Variants in CPAMD8 observed in about 807,000 individuals in gnomAD.
The protein encoded by CPAMD8 is C3 and PZP like alpha-2-macroglobulin domain containing 8.
CPAMD8 carries 146 observed loss-of-function variants against 224.7 expected under a neutral mutation model. The ratio of observed to expected loss-of-function variants is 0.65; its 90% CI spans 0.57 to 0.75. The LOEUF is 0.75. CPAMD8 is among the 30% of genes least tolerant of loss of function. The pLI is 0.00. For synonymous variants in CPAMD8, 966 were observed against 1,044.6 expected, an observed-to-expected ratio of 0.92 and a Z score of 1.45; for missense variants, 2,301 against 2,537.5, an observed-to-expected ratio of 0.91 and a Z score of 2.00.
chr19:17,016,734 T>C (rs1037754585), intron 3 of CPAMD8, among the ~76,000 whole-genome samples: 3 of 151,868 alleles, frequency 2.0e-5, no homozygotes, highest in Non-Finnish European at 4.4e-5. Flanking sequence ...CACTCCACCC[T>C]GGGCGACAGA....
At chr19:17,000,609 T>C in intron 9 of CPAMD8, 87 bp from the exon 10 acceptor site, 1 of 686,390 alleles carries the variant, frequency 1.5e-6, no homozygotes. Context: ...TGACATAGTG[T>C]GGCCACTAGT....
intron 41 of CPAMD8, chr19:16,894,502 C>T: frequency 2.2e-6 from 1 of 456,042 alleles, no homozygotes; most frequent in Non-Finnish European, 4.4e-6. Context: ...CCCCACACCC[C>T]TTTCCTGAAC....
At chr19:16,979,894 C>T (rs2055445382) in intron 14 of CPAMD8, among the ~76,000 whole-genome samples, 1 of 151,998 alleles carries the variant, frequency 6.6e-6, no homozygotes, top group Non-Finnish European at 1.5e-5. Flanking sequence ...TGACTCTGCC[C>T]CCTGGGGATA....
rs762819151 is a variant in CPAMD8, at chr19:16,904,352, G to C, written c.4125C>G (p.Ala1375=). 1.2e-6 allele frequency: 2 copies of C among 1,613,952 alleles called. No individual in the cohort carries two copies. Among genetic ancestry groups the C allele is most frequent in the Admixed American group, 1.7e-5 (1 of 60,020 alleles). The change falls in exon 32 of 42, where the codon GCC becomes GCG. Residue 1375 remains alanine (A), a synonymous_variant. Transcript: ENST00000443236. ...SDRVSQSVVS[A]EVEMTAYALL... ...GGGCGTAGGCTGTCATTTCCACCTC[G>C]GCCGAGACCACTGCAATGGAAGAGG...
chr19:16,997,418 G>T (rs2056167445), intron 10 of CPAMD8, 80 bp from the exon 11 acceptor site: 2 of 822,722 alleles, frequency 2.4e-6, no homozygotes, highest in Non-Finnish European at 4.1e-6. Context: ...ACACACCTGA[G>T]GTGCAAGACT....
intron 10 of CPAMD8, among the ~76,000 whole-genome samples, chr19:16,998,265 G>A (rs868752590): frequency 6.6e-6 from 1 of 152,182 alleles, no homozygotes; most frequent in Non-Finnish European, 1.5e-5. Context: ...TTCAAGACCA[G>A]CCTGGCCAAC....
intron 19 of CPAMD8, among the ~76,000 whole-genome samples, chr19:16,952,483 C>T (rs1012014034): frequency 6.6e-6 from 1 of 152,120 alleles, no homozygotes; most frequent in African/African-American, 2.4e-5. Flanking sequence ...TCCGGACCAC[C>T]CTAGGCAAGA....
intron 12 of CPAMD8, among the ~76,000 whole-genome samples, chr19:16,991,091 G>A (rs564089681): frequency 2.3e-5 from 3 of 131,466 alleles, no homozygotes; most frequent in Non-Finnish European, 3.5e-5. Flanking sequence ...TCATGCAGAC[G>A]AAATGAGGCC....
rs1319314299 is a variant in CPAMD8, at chr19:16,902,768, G to A, written c.4566C>T (p.Pro1522=). The A allele has an allele frequency of 6.3e-7, 1 of 1,592,888 alleles. No homozygotes were observed. Among genetic ancestry groups the A allele is most frequent in the Non-Finnish European group, 8.6e-7 (1 of 1,166,086 alleles). ...CCTCAGCTGCGGAGGCAGGCATGGGGGGCGGGCGTCCCTGGGCCTCAGGCT... is the reference window on the plus strand; with the variant it reads ...CCTCAGCTGCGGAGGCAGGCATGGGAGGCGGGCGTCCCTGGGCCTCAGGCT... ...LQEPEAQGRP[P]PMPASAAEGS... The change falls in exon 35 of 42, where the codon CCC becomes CCT. Residue 1522 remains proline (P), a synonymous_variant. Coordinates refer to ENST00000443236, the MANE Select transcript of CPAMD8 (RefSeq NM_015692.5).
chr19:16,940,016 G>A (rs2053834292), intron 22 of CPAMD8, among the ~76,000 whole-genome samples: 1 of 151,888 alleles, frequency 6.6e-6, no homozygotes, highest in African/African-American at 2.4e-5. Context: ...GAGTTCAAAT[G>A]ATCTTCCTGC....
intron 34 of CPAMD8, among the ~76,000 whole-genome samples, 185 bp from the exon 35 acceptor site, chr19:16,903,048 A>G (rs978456883): frequency 6.6e-6 from 1 of 152,158 alleles, no homozygotes; most frequent in African/African-American, 2.4e-5. Context: ...GGGTGTAGGT[A>G]CAATCATCAG....
intron 1 of CPAMD8, among the ~76,000 whole-genome samples, chr19:17,024,763 A>C (rs1382206916): frequency 6.6e-6 from 1 of 152,182 alleles, no homozygotes; most frequent in Non-Finnish European, 1.5e-5. Flanking sequence ...ACTGCTTCTC[A>C]TCCTGCTGGT....
At position 16,928,864 on chromosome 19, in the gene CPAMD8, C is replaced by T. The variant is rs975559255; in HGVS notation, c.3144+78G>A. 1.2e-5 allele frequency: 15 copies of T among 1,227,460 alleles called. No individual in the cohort carries two copies. The Admixed American group carries it at 2.2e-4, about 18-fold the overall frequency. The allele number at this position is 1,227,460 out of a possible 1,614,324, so 76.0% of individuals were successfully genotyped here. On this transcript the variant is annotated intron_variant, in intron 24 of 41. Coordinates refer to ENST00000443236, the MANE Select transcript of CPAMD8 (RefSeq NM_015692.5). The stretch of plus-strand genomic sequence containing the variant: ...GCTCCTCCTGACCCTGGATCAAAGC[C>T]TGGCACCAAACAGGAAGCAGCTAGT...
At chr19:16,943,426 C>CA (rs2053971655) in intron 22 of CPAMD8, among the ~76,000 whole-genome samples, 2 of 151,724 alleles carry the variant, frequency 1.3e-5, no homozygotes, top group Admixed American at 1.3e-4. Context: ...TTCATTTAGA[C>CA]AGGGTCTGGC....
chr19:16,921,544 G>A (rs867751365), intron 27 of CPAMD8, among the ~76,000 whole-genome samples: 69 of 152,206 alleles, frequency 4.5e-4, no homozygotes, highest in Middle Eastern at 6.8e-3. Flanking sequence ...TCTGGCCTCT[G>A]ACCCCTCTGC....
chr19:16,997,228 G>A lies in CPAMD8; in HGVS notation c.978C>T (p.Asp326=), dbSNP rs57930046. 5.1e-4 allele frequency: 796 copies of A among 1,555,168 alleles called. 5 individuals are homozygous for A. In the East Asian group the frequency reaches 7.6e-3, roughly 15 times the overall value. ...VSIWAMVTSV[D]GSQQVAFDDS... ...CATCGAACGCGACCTGCTGGCTCCC[G>A]TCCACACTGGTCACCATGGCCCAGA... The change falls in exon 11 of 42, where the codon GAC becomes GAT. Residue 326 remains aspartate, a synonymous_variant. Coordinates refer to ENST00000443236, the MANE Select transcript of CPAMD8 (RefSeq NM_015692.5).
At chr19:17,019,960 T>TC (rs895349458) in intron 3 of CPAMD8, among the ~76,000 whole-genome samples, 25 of 150,894 alleles carry the variant, frequency 1.7e-4, no homozygotes, top group African/African-American at 5.4e-4. Context: ...ATTCTTTTTT[T>TC]TTTTTCTTTT....
intron 17 of CPAMD8, among the ~76,000 whole-genome samples, chr19:16,973,743 G>T (rs1346595868): frequency 3.3e-5 from 5 of 152,048 alleles, no homozygotes; most frequent in African/African-American, 1.2e-4. Flanking sequence ...ACCCTGAAGG[G>T]CGAAGCATGC....
At chr19:16,932,364 T>TGAGCCATGA (rs1382751815) in intron 23 of CPAMD8, among the ~76,000 whole-genome samples, 29 of 152,146 alleles carry the variant, frequency 1.9e-4, no homozygotes, top group African/African-American at 7.0e-4. Context: ...AAGGCTGCAG[T>TGAGCCATGA]GAGCCATGAT....
Sources: allele counts gnomAD v4.1 joint callset (sites outside exome capture counted in the v4.1 genomes callset), GRCh38; gene constraint gnomAD v4.1.1; transcripts MANE v1.5; gene names NCBI Gene and HGNC (gene_info 2026-07-23, HGNC 2026-07-21).